Variants in SGCE observed in about 807,000 individuals in gnomAD.
SGCE encodes the protein epsilon-sarcoglycan.
Under a neutral mutation model 57.8 loss-of-function variants are expected in SGCE, and 26 were observed. The ratio of observed to expected loss-of-function variants is 0.45; its 90% CI spans 0.33 to 0.62. The LOEUF is 0.62. Ranked by LOEUF, SGCE falls within the 20% of genes least tolerant of loss-of-function variation. The pLI, the probability that SGCE is intolerant of heterozygous loss-of-function variation, is 0.02. For missense variants in SGCE, 468 were observed against 548.6 expected, an observed-to-expected ratio of 0.85 and a Z score of 1.47; for synonymous variants, 183 against 189.5, an observed-to-expected ratio of 0.97 and a Z score of 0.28.
In SGCE at chr7:94,600,659, G is replaced by A. The variant is rs1376336723; in HGVS notation, c.1024C>T (p.Arg342Ter). 8 of 1,612,624 alleles carry A rather than the reference G, an allele frequency of 5.0e-6. No homozygotes were observed. The highest frequency in any genetic ancestry group is 1.1e-5 in the South Asian group (1 of 91,004). Residue 342 changes from arginine (R) to a stop codon, truncating the protein, a stop_gained, in exon 7 of 11, where the codon CGA (arginine) becomes TGA (stop). Coordinates refer to ENST00000648936, the MANE Select transcript of SGCE (RefSeq NM_003919.3). LOFTEE classifies it high-confidence loss of function. Reference sequence around the variant, plus strand: ...TAAAGTACTCACACGCCTTCCCGTCGGCAGCACATGATATAAGCAAGTATT... The same window carrying A: ...TAAAGTACTCACACGCCTTCCCGTCAGCAGCACATGATATAAGCAAGTATT... The part of the protein sequence containing the change: ...FLILAYIMCC[R>*]REGVEKRNMQ...
At chr7:94,634,466 T>C (rs1374682513) in intron 1 of SGCE, among the ~76,000 whole-genome samples, 1 of 152,202 alleles carries the variant, frequency 6.6e-6, no homozygotes, top group Non-Finnish European at 1.5e-5. Context: ...CAGATTTTGT[T>C]TTCTCTTTTG....
At chr7:94,601,599 T>C (rs1799282790) in intron 6 of SGCE, among the ~76,000 whole-genome samples, 1 of 152,088 alleles carries the variant, frequency 6.6e-6, no homozygotes, top group Non-Finnish European at 1.5e-5. Context: ...TGAAATTTGC[T>C]ACTACATTTG....
At chr7:94,623,285 T>C (rs1373257677) in intron 4 of SGCE, 40 bp downstream of exon 4, 2 of 1,258,790 alleles carry the variant, frequency 1.6e-6, no homozygotes, top group South Asian at 2.6e-5. Context: ...ATGAAATACT[T>C]CTTATAAATA....
rs17400776 is a variant in SGCE at position 94,615,425 on chromosome 7, A to G, written c.662+3333T>C. The stretch of plus-strand genomic sequence containing the variant: ...AGATAGATAGATAGATAGATAGATA[A>G]AGGGCAATTCTGTAAGTTACCATAG... On this transcript the variant is annotated intron_variant, in intron 5 of 10. Transcript: ENST00000648936. Among the ~76,000 whole-genome samples the G allele has an allele frequency of 3.4e-3, 458 of 133,534 alleles. 3 individuals carry two copies. The highest frequency in any genetic ancestry group is 6.4e-3 in the Non-Finnish European group (361 of 56,634). 87.6% of individuals were successfully genotyped at this position (133,534 alleles called of 152,430 possible).
At chr7:94,635,518 C>T (rs1048098049) in intron 1 of SGCE, among the ~76,000 whole-genome samples, 1 of 152,174 alleles carries the variant, frequency 6.6e-6, no homozygotes, top group African/African-American at 2.4e-5. Flanking sequence ...TCTAAAAACT[C>T]TTTATGAGAT....
At chr7:94,629,260 T>C (rs146471076) in intron 2 of SGCE, 1 of 154,390 alleles carries the variant, frequency 6.5e-6, no homozygotes, top group East Asian at 1.9e-4. Context: ...AAGGAAAAAT[T>C]AATCTCCATA....
At chr7:94,594,761 T>C (rs1337878640) in intron 9 of SGCE, among the ~76,000 whole-genome samples, 1 of 152,096 alleles carries the variant, frequency 6.6e-6, no homozygotes, top group Non-Finnish European at 1.5e-5. Flanking sequence ...CATTCCAAAA[T>C]AAAAAGTTTA....
intron 9 of SGCE, among the ~76,000 whole-genome samples, chr7:94,595,418 A>G (rs1197458333): frequency 6.6e-6 from 1 of 152,178 alleles, no homozygotes; most frequent in Non-Finnish European, 1.5e-5. Flanking sequence ...AATCTGAAGA[A>G]TAAACATGAA....
chr7:94,586,053 A>G (rs1796839665), intron 10 of SGCE, among the ~76,000 whole-genome samples: 1 of 145,450 alleles, frequency 6.9e-6, no homozygotes, highest in Non-Finnish European at 1.5e-5. Context: ...GAAAACAAGG[A>G]ACTAAATGAA....
chr7:94,629,743 C>T lies in SGCE; in HGVS notation c.208G>A (p.Glu70Lys). ...HVLEREYFKG[E>K]FPPYPKPGEI... is the part of the protein sequence containing the mutation. ...CCAGGTTTTGGGTAAGGTGGAAATT[C>T]CCCCTTAAAATATTCTCTTTCCAAA... Residue 70 changes from glutamate (E) to lysine (K), a missense_variant, in exon 2 of 11, where the codon GAA (glutamate) becomes AAA (lysine). Transcript: ENST00000648936. 6.2e-7 allele frequency: 1 copy of T among 1,611,056 alleles called. No individual in the cohort carries two copies. Among genetic ancestry groups the T allele is most frequent in the Middle Eastern group, 1.7e-4 (1 of 6,036 alleles).
At chr7:94,649,895 G>T (rs1807647917) in intron 1 of SGCE, among the ~76,000 whole-genome samples, 1 of 152,110 alleles carries the variant, frequency 6.6e-6, no homozygotes, top group African/African-American at 2.4e-5. Context: ...TAGTTTGCAA[G>T]AACTAATAAC....
chr7:94,596,987 G>A (rs1367638858), intron 9 of SGCE, among the ~76,000 whole-genome samples: 1 of 152,030 alleles, frequency 6.6e-6, no homozygotes, highest in East Asian at 1.9e-4. Flanking sequence ...ATAAGAGGTT[G>A]TTAAATTCTG....
At chr7:94,636,136 T>C (rs1033869314) in intron 1 of SGCE, among the ~76,000 whole-genome samples, 10 of 152,250 alleles carry the variant, frequency 6.6e-5, no homozygotes, top group South Asian at 6.2e-4. Context: ...CCACTTACTT[T>C]CAGTTTTTCC....
At chr7:94,604,806 AATATATATATATATATATATATATATAT>A (rs59162734) in intron 5 of SGCE, among the ~76,000 whole-genome samples, 634 of 44,414 alleles carry the variant, frequency 0.014, 30 homozygotes, top group African/African-American at 0.018. Context: ...ATGGTGCTGG[AATATATATATATATATATATATATATAT>A]ATATATATAT....
At chr7:94,601,018 A>G (rs1317255689) in intron 6 of SGCE, among the ~76,000 whole-genome samples, 161 bp from the exon 7 acceptor site, 3 of 152,326 alleles carry the variant, frequency 2.0e-5, no homozygotes, top group Middle Eastern at 3.4e-3. Context: ...TATTGGAGGT[A>G]GGGAATGTAA....
chr7:94,599,750 TA>T, intron 7 of SGCE, 27 bp from the exon 8 acceptor site: 1 of 1,453,592 alleles, frequency 6.9e-7, no homozygotes, highest in Non-Finnish European at 9.7e-7. Context: ...ATTTATGAAT[TA>T]AATAATAGCA....
At chr7:94,616,136 A>C (rs1801900218) in intron 5 of SGCE, among the ~76,000 whole-genome samples, 1 of 152,184 alleles carries the variant, frequency 6.6e-6, no homozygotes, top group Admixed American at 6.5e-5. Flanking sequence ...AAGGATGAGG[A>C]GCTCAGATGC....
chr7:94,630,415 C>T (rs991375136), intron 1 of SGCE, among the ~76,000 whole-genome samples: 4 of 151,702 alleles, frequency 2.6e-5, no homozygotes, highest in African/African-American at 9.7e-5. Context: ...CCTCGCATCT[C>T]TTGTAGAAAT....
intron 9 of SGCE, among the ~76,000 whole-genome samples, chr7:94,593,937 A>C (rs1798036282): frequency 6.6e-6 from 1 of 152,036 alleles, no homozygotes; most frequent in African/African-American, 2.4e-5. Context: ...TCTCTGCAGG[A>C]GCTCTACCAT....
Sources: allele counts gnomAD v4.1 joint callset (sites outside exome capture counted in the v4.1 genomes callset), GRCh38; gene constraint gnomAD v4.1.1; transcripts MANE v1.5; gene names NCBI Gene and HGNC (gene_info 2026-07-23, HGNC 2026-07-21).